UNC13C: variants seen among roughly 807,000 people sequenced by gnomAD.
UNC13C encodes the protein unc-13 homolog C.
A neutral mutation model predicts 245.4 loss-of-function variants in UNC13C; 174 were observed. The ratio of observed to expected loss-of-function variants is 0.71; its 90% confidence interval spans 0.63 to 0.80. UNC13C has a LOEUF of 0.80. UNC13C is among the 30% of genes least tolerant of loss of function. The pLI is 0.00. For missense variants in UNC13C, 2,829 were observed against 2,602.9 expected (o/e 1.09, Z -1.89); for synonymous variants, 992 against 895.1 (o/e 1.11, Z -1.93).
At chr15:54,061,723 T>G (rs1431684762) in intron 2 of UNC13C, among the ~76,000 whole-genome samples, 1 of 152,140 alleles carries the variant, frequency 6.6e-6, no homozygotes, top group Non-Finnish European at 1.5e-5. Context: ...ATAAAACCTT[T>G]TCGTGAGCAG....
chr15:54,611,153 G>A (rs1466452566), intron 30 of UNC13C, among the ~76,000 whole-genome samples: 4 of 152,144 alleles, frequency 2.6e-5, no homozygotes, highest in Non-Finnish European at 5.9e-5. Flanking sequence ...GCTATGTGGA[G>A]GTGGCAGAGC....
chr15:54,034,485 C>A (rs549804279), intron 2 of UNC13C, among the ~76,000 whole-genome samples: 2 of 152,230 alleles, frequency 1.3e-5, no homozygotes, highest in African/African-American at 4.8e-5. Context: ...TCTTCAGGCA[C>A]CTAGGTTAAT....
chr15:54,617,277 G>C (rs1900502957), intron 30 of UNC13C, among the ~76,000 whole-genome samples: 1 of 151,978 alleles, frequency 6.6e-6, no homozygotes, highest in Non-Finnish European at 1.5e-5. Flanking sequence ...CTGTCTTTTA[G>C]TGTAGCCATA....
chr15:53,891,143 G>A, the UNC13C span, among the ~76,000 whole-genome samples: 29 of 152,260 alleles, frequency 1.9e-4, no homozygotes, highest in Admixed American at 3.3e-4. Flanking sequence ...TTAGGAGCGG[G>A]TTGTTCAATT....
At chr15:54,042,450 A>C (rs1476041385) in intron 2 of UNC13C, among the ~76,000 whole-genome samples, 1 of 152,188 alleles carries the variant, frequency 6.6e-6, no homozygotes, top group Non-Finnish European at 1.5e-5. Context: ...GAAAGATACA[A>C]ATACAAAATA....
intron 10 of UNC13C, among the ~76,000 whole-genome samples, chr15:54,284,450 C>T (rs1028431367): frequency 2.0e-5 from 3 of 152,204 alleles, no homozygotes; most frequent in African/African-American, 7.2e-5. Flanking sequence ...AGGACACTTT[C>T]ACACAGGGAT....
intron 26 of UNC13C, among the ~76,000 whole-genome samples, chr15:54,538,556 G>A (rs1896098487): frequency 6.6e-6 from 1 of 152,036 alleles, no homozygotes; most frequent in Non-Finnish European, 1.5e-5. Context: ...TATGTTCATT[G>A]CAGCACTGTT....
chr15:54,490,950 C>G (rs1164647674), intron 19 of UNC13C, among the ~76,000 whole-genome samples: 1 of 152,180 alleles, frequency 6.6e-6, no homozygotes, highest in African/African-American at 2.4e-5. Flanking sequence ...CAGCTAAATT[C>G]ATCTCCTCCA....
At chr15:54,100,609 A>C (rs1452870950) in intron 2 of UNC13C, among the ~76,000 whole-genome samples, 1 of 151,786 alleles carries the variant, frequency 6.6e-6, no homozygotes, top group African/African-American at 2.4e-5. Context: ...TTTAGCCCAG[A>C]TCTCCACTCT....
intron 4 of UNC13C, among the ~76,000 whole-genome samples, chr15:54,158,376 T>G (rs2032838341): frequency 6.6e-6 from 1 of 152,170 alleles, no homozygotes; most frequent in Non-Finnish European, 1.5e-5. Flanking sequence ...TCGCCCAGGC[T>G]GGAGTACAGT....
the UNC13C span, among the ~76,000 whole-genome samples, chr15:53,843,482 C>T: frequency 1.0e-2 from 1,514 of 152,150 alleles, 11 homozygotes; most frequent in Middle Eastern, 0.041. Flanking sequence ...ATACATATAT[C>T]ACTCTTTAGG....
intron 30 of UNC13C, among the ~76,000 whole-genome samples, chr15:54,570,930 GTC>G (rs1479148549): frequency 6.6e-6 from 1 of 152,114 alleles, no homozygotes; most frequent in Non-Finnish European, 1.5e-5. Flanking sequence ...AATTATTGGA[GTC>G]TTATTTATAT....
intron 4 of UNC13C, among the ~76,000 whole-genome samples, chr15:54,166,600 T>C (rs569872035): frequency 7.9e-4 from 120 of 152,242 alleles, no homozygotes; most frequent in Admixed American, 1.8e-3. Flanking sequence ...ATGATTTGTA[T>C]GGAAAACCTT....
chr15:54,379,420 T>G (rs1017105852), intron 17 of UNC13C, among the ~76,000 whole-genome samples: 3 of 152,114 alleles, frequency 2.0e-5, no homozygotes, highest in Admixed American at 2.0e-4. Context: ...CAAAAGTAAG[T>G]GTATTACTCT....
At chr15:54,074,642 A>G (rs1402814283) in intron 2 of UNC13C, among the ~76,000 whole-genome samples, 1 of 152,258 alleles carries the variant, frequency 6.6e-6, no homozygotes, top group South Asian at 2.1e-4. Context: ...CTTTGTAGCA[A>G]TTATGAATGG....
intron 4 of UNC13C, among the ~76,000 whole-genome samples, chr15:54,185,304 G>A (rs993735649): frequency 3.3e-5 from 5 of 151,994 alleles, no homozygotes; most frequent in African/African-American, 1.2e-4. Context: ...TTTGGCTTTT[G>A]TTGCCATTGC....
intron 14 of UNC13C, among the ~76,000 whole-genome samples, chr15:54,326,749 G>T (rs2038307030): frequency 6.6e-6 from 1 of 151,936 alleles, no homozygotes; most frequent in African/African-American, 2.4e-5. Flanking sequence ...TTTTGCAAGG[G>T]AAGTCTCAGG....
At chr15:54,393,326 T>G in intron 18 of UNC13C, 145 bp downstream of exon 18, 1 of 707,796 alleles carries the variant, frequency 1.4e-6, no homozygotes, top group Middle Eastern at 3.9e-4. Flanking sequence ...CTTTTATCAG[T>G]AAATATCAAT....
At chr15:54,001,413 T>C (rs1323814777) in intron 1 of UNC13C, among the ~76,000 whole-genome samples, 1 of 152,114 alleles carries the variant, frequency 6.6e-6, no homozygotes, top group Non-Finnish European at 1.5e-5. Flanking sequence ...CACTATAGAT[T>C]TTTATCGTCC....
Sources: allele counts gnomAD v4.1 joint callset (sites outside exome capture counted in the v4.1 genomes callset), GRCh38; gene constraint gnomAD v4.1.1; transcripts MANE v1.5; gene names NCBI Gene and HGNC (gene_info 2026-07-23, HGNC 2026-07-21).